Variants in ARRDC5 observed in about 807,000 individuals in gnomAD.
The protein encoded by ARRDC5 is arrestin domain-containing protein 5.
ARRDC5 carries 12 observed loss-of-function variants against 13.3 expected under a neutral mutation model. The ratio of observed to expected loss-of-function variants is 0.90; its 90% CI spans 0.58 to 1.46. The LOEUF (loss-of-function observed/expected upper bound fraction) is 1.46. Ranked by LOEUF, ARRDC5 falls within the 40% of genes most tolerant of loss-of-function variation. ARRDC5 has a pLI of 0.00. For missense variants in ARRDC5, 406 were observed against 418.7 expected (o/e 0.97, Z 0.26); for synonymous variants, 181 against 173.4 (o/e 1.04, Z -0.34).
At chr19:4,906,399 T>A (rs772311195), upstream of ARRDC5, among the ~76,000 whole-genome samples, 33 of 152,180 alleles carry the variant, frequency 2.2e-4, no homozygotes, top group Non-Finnish European at 3.8e-4. Flanking sequence ...ACCTCCTCTG[T>A]GACACTTAAC....
the ARRDC5 span, among the ~76,000 whole-genome samples, chr19:4,908,932 C>T: frequency 6.6e-6 from 1 of 152,034 alleles, no homozygotes; most frequent in African/African-American, 2.4e-5. Flanking sequence ...GGCAGGGCAG[C>T]CCTGCCCGCC....
At chr19:4,904,896 G>A (rs1295932066), upstream of ARRDC5, among the ~76,000 whole-genome samples, 2 of 152,116 alleles carry the variant, frequency 1.3e-5, no homozygotes, top group Non-Finnish European at 2.9e-5. Context: ...CTGAGAGGGA[G>A]GGACATTGAA....
At chr19:4,909,341 C>T in the ARRDC5 span, 1 of 590,110 alleles carries the variant, frequency 1.7e-6, no homozygotes, top group Non-Finnish European at 3.0e-6. Context: ...AGCCGTGGCC[C>T]ACTAGGCGGA....
chr19:4,891,480 A>T lies in ARRDC5; in HGVS notation c.553T>A (p.Phe185Ile). 6.2e-7 allele frequency: 1 copy of T among 1,613,870 alleles called. No homozygotes were observed. The highest frequency in any genetic ancestry group is 8.5e-7 in the Non-Finnish European group (1 of 1,179,888). Residue 185 changes from phenylalanine to isoleucine, a missense_variant, in exon 3 of 3, where the codon TTC becomes ATC. Coordinates refer to ENST00000650722, the MANE Select transcript of ARRDC5 (RefSeq NM_001080523.3). ...CLQIQMERNT[F>I]TPGEKVVFTT... ...AAGACGACCTTCTCTCCTGGCGTGA[A>T]GGTGTTCCTTTCCATCTGGATTTGC...
At position 4,891,100 on chromosome 19, in the gene ARRDC5, G is replaced by C. The variant is rs2031484116; in HGVS notation, c.933C>G (p.Ile311Met). 1.2e-6 allele frequency: 2 copies of C among 1,613,960 alleles called. No homozygotes were observed. Among genetic ancestry groups the C allele is most frequent in the Non-Finnish European group, 1.7e-6 (2 of 1,179,862 alleles). Residue 311 changes from isoleucine to methionine, a missense_variant, in exon 3 of 3, where the codon ATC becomes ATG. Coordinates refer to ENST00000650722, the MANE Select transcript of ARRDC5 (RefSeq NM_001080523.3). Reference protein sequence around the residue: ...IITSASVDSAICQLSEDGVLP... With the variant: ...IITSASVDSAMCQLSEDGVLP... ...ACACTCCGTCCTCTGACAGCTGGCA[G>C]ATGGCAGAGTCCACTGAGGCGCTGG...
chr19:4,897,249 AC>A (rs2031768130), intron 1 of ARRDC5, among the ~76,000 whole-genome samples: 1 of 151,920 alleles, frequency 6.6e-6, no homozygotes, highest in Admixed American at 6.6e-5. Flanking sequence ...GAGCCACTGC[AC>A]CTGGCCTTTT....
At chr19:4,914,569 C>G in the ARRDC5 span, among the ~76,000 whole-genome samples, 4 of 151,756 alleles carry the variant, frequency 2.6e-5, no homozygotes, top group Non-Finnish European at 5.9e-5. Context: ...TGGGCGGGAA[C>G]GCAGGGAGCT....
Position 4,902,717 on chromosome 19 carries a change from C to A in ARRDC5, c.109G>T (p.Asp37Tyr). The A allele has an allele frequency of 6.2e-7, 1 of 1,614,030 alleles. No individual in the cohort carries two copies. The highest frequency in any genetic ancestry group is 8.5e-7 in the Non-Finnish European group (1 of 1,179,908). Reference protein sequence around the residue: ...VILTLNSTLVDPIVKVELVGR... With the variant: ...VILTLNSTLVYPIVKVELVGR... Reference sequence around the variant, plus strand: ...ACGAGCTCCACCTTCACTATGGGGTCCACCAGGGTGCTGTTCAGGGTTAAG... The same window carrying A: ...ACGAGCTCCACCTTCACTATGGGGTACACCAGGGTGCTGTTCAGGGTTAAG... Residue 37 changes from aspartate (D) to tyrosine (Y), a missense_variant, in exon 1 of 3, where the codon GAC becomes TAC. Physicochemically the swap from Asp to Tyr is radical, Grantham distance 160. Transcript: ENST00000650722.
rs773823469 is a variant in ARRDC5, at chr19:4,902,809, G to A, written c.17C>T (p.Ser6Leu). 1.1e-5 allele frequency: 17 copies of A among 1,613,702 alleles called. No individual in the cohort carries two copies. The Admixed American group carries it at 1.2e-4, about 11-fold the overall frequency. The change falls in exon 1 of 3, where the codon TCG becomes TTG. Residue 6 changes from serine to leucine, a missense_variant. Transcript: ENST00000650722. MSVVK[S>L]IELVLPEDRI... Reference sequence around the variant, plus strand: ...ATCCTCGGGCAGCACTAATTCGATCGACTTCACCACAGACATGGGGGGTTG... The same window carrying A: ...ATCCTCGGGCAGCACTAATTCGATCAACTTCACCACAGACATGGGGGGTTG...
chr19:4,912,967 C>T, the ARRDC5 span, among the ~76,000 whole-genome samples: 15 of 152,002 alleles, frequency 9.9e-5, no homozygotes, highest in Admixed American at 3.3e-4. Context: ...ATTATATTGC[C>T]CAGGGTGGTC....
chr19:4,901,223 G>A (rs574526893), intron 1 of ARRDC5, among the ~76,000 whole-genome samples: 55 of 152,108 alleles, frequency 3.6e-4, no homozygotes, highest in Non-Finnish European at 7.5e-4. Context: ...GGAGGCTGAG[G>A]TGAGAGGATC....
At chr19:4,901,767 A>T (rs891341700) in intron 1 of ARRDC5, among the ~76,000 whole-genome samples, 1 of 152,140 alleles carries the variant, frequency 6.6e-6, no homozygotes, top group African/African-American at 2.4e-5. Flanking sequence ...TGCAATGGAC[A>T]TATAATTTCC....
the ARRDC5 span, among the ~76,000 whole-genome samples, chr19:4,907,963 C>A: frequency 6.6e-6 from 1 of 152,024 alleles, no homozygotes; most frequent in Non-Finnish European, 1.5e-5. Flanking sequence ...CTGCCTGCCT[C>A]GGCCTCCCAA....
At chr19:4,894,989 C>T (rs75096147) in intron 2 of ARRDC5, among the ~76,000 whole-genome samples, 423 of 152,224 alleles carry the variant, frequency 2.8e-3, no homozygotes, top group Middle Eastern at 0.017. Flanking sequence ...TGCGTTAGGA[C>T]CCTGCAGGTG....
At chr19:4,913,342 C>T in the ARRDC5 span, among the ~76,000 whole-genome samples, 11 of 147,234 alleles carry the variant, frequency 7.5e-5, no homozygotes, top group East Asian at 1.4e-3. Context: ...CAACCTTCAT[C>T]TCCCAAGTTC....
the ARRDC5 span, chr19:4,909,241 G>A: frequency 1.9e-6 from 1 of 512,880 alleles, no homozygotes; most frequent in Non-Finnish European, 3.4e-6. Context: ...CAAGGCTCCT[G>A]GGGTGTCCAC....
At chr19:4,904,323 C>T (rs993447559), upstream of ARRDC5, among the ~76,000 whole-genome samples, 32 of 152,248 alleles carry the variant, frequency 2.1e-4, no homozygotes, top group East Asian at 9.7e-4. Flanking sequence ...GGACTACAGG[C>T]GTCCGCCACA....
intron 1 of ARRDC5, among the ~76,000 whole-genome samples, chr19:4,901,087 C>T (rs1568398986): frequency 3.3e-5 from 5 of 151,746 alleles, no homozygotes; most frequent in South Asian, 4.2e-4. Context: ...TGCGGTGAGC[C>T]GAGATTGCGC....
chr19:4,915,668 C>G, the ARRDC5 span, among the ~76,000 whole-genome samples: 1 of 152,098 alleles, frequency 6.6e-6, no homozygotes, highest in Non-Finnish European at 1.5e-5. Context: ...TGAGATCCCA[C>G]CACTGCACTC....
Sources: allele counts gnomAD v4.1 joint callset (sites outside exome capture counted in the v4.1 genomes callset), GRCh38; gene constraint gnomAD v4.1.1; transcripts MANE v1.5; gene names NCBI Gene and HGNC (gene_info 2026-07-23, HGNC 2026-07-21).